LRRTM4: variants seen among roughly 807,000 people sequenced by gnomAD.
The protein encoded by LRRTM4 is leucine rich repeat transmembrane neuronal 4, also known as leucine-rich repeat transmembrane neuronal protein 4.
In LRRTM4, 25 loss-of-function variants were observed where a neutral mutation model predicts 47.6. The observed-to-expected ratio is 0.53, with a 90% confidence interval of 0.38 to 0.73. The LOEUF (loss-of-function observed/expected upper bound fraction) is 0.73. LRRTM4 is among the 30% of genes least tolerant of loss of function. The pLI is 0.00. For synonymous variants in LRRTM4, 311 were observed against 269.5 expected, an observed-to-expected ratio of 1.15 and a Z score of -1.51; for missense variants, 638 against 713.4, an observed-to-expected ratio of 0.89 and a Z score of 1.20.
At chr2:77,446,773 A>T (rs958956125) in intron 3 of LRRTM4, among the ~76,000 whole-genome samples, 1 of 152,004 alleles carries the variant, frequency 6.6e-6, no homozygotes, top group Admixed American at 6.6e-5. Flanking sequence ...CTCCCCTAAG[A>T]CTACTCTGGC....
At chr2:77,320,475 T>C (rs1677756840) in intron 3 of LRRTM4, among the ~76,000 whole-genome samples, 1 of 152,176 alleles carries the variant, frequency 6.6e-6, no homozygotes. Flanking sequence ...AAATTACAAT[T>C]ATTATAAAAA....
chr2:77,390,738 A>C (rs2103813690), intron 3 of LRRTM4, among the ~76,000 whole-genome samples: 1 of 151,776 alleles, frequency 6.6e-6, no homozygotes, highest in Non-Finnish European at 1.5e-5. Flanking sequence ...ACAAAGTGTA[A>C]AATATAATAT....
In LRRTM4 at chr2:76,812,699, T is replaced by C. The variant is rs9712188; in HGVS notation, c.1552-63783A>G. On this transcript the variant is annotated intron_variant, in intron 3 of 3. Transcript: ENST00000409884. ...TCTTTCTTTCTTTCTTTCTTTCTTT[T>C]CTTTCTTTATTTCTTTTTCTTTCTC... 2.9e-3 allele frequency among the ~76,000 whole-genome samples: 385 copies of C among 134,150 alleles called. 3 individuals are homozygous for C. Among genetic ancestry groups the C allele is most frequent in the Middle Eastern group, 8.3e-3 (2 of 242 alleles). The allele number at this position is 134,150 out of a possible 152,430, so 88.0% of individuals were successfully genotyped here. A position where few individuals can be genotyped will look rare whatever the true frequency, so the allele number is the denominator to read the frequency against.
intron 3 of LRRTM4, among the ~76,000 whole-genome samples, chr2:77,354,271 A>G (rs1459620492): frequency 6.6e-6 from 1 of 152,184 alleles, no homozygotes; most frequent in Non-Finnish European, 1.5e-5. Context: ...AGCCGTGAGT[A>G]GAGGAGAGAA....
chr2:76,995,639 G>A (rs1386744514), intron 3 of LRRTM4, among the ~76,000 whole-genome samples: 1 of 152,018 alleles, frequency 6.6e-6, no homozygotes, highest in Non-Finnish European at 1.5e-5. Context: ...TCATTGCCTA[G>A]TGTTGCTACC....
At chr2:77,491,437 A>G (rs963586483) in intron 3 of LRRTM4, among the ~76,000 whole-genome samples, 1 of 152,122 alleles carries the variant, frequency 6.6e-6, no homozygotes. Flanking sequence ...GGCTCATCAC[A>G]TTCCAAACAA....
Position 77,044,917 on chromosome 2 carries a change from G to GTGTGTATA in LRRTM4, c.1552-296009_1552-296002dup, listed in dbSNP as rs894000050. ...TATATGTGTATGTAGATAGGTGTTTGTGTGTATATGTGTATATGTGTGTGT... is the reference window on the plus strand; with the variant it reads ...TATATGTGTATGTAGATAGGTGTTTGTGTGTATATGTGTATATGTGTATATGTGTGTGT... On this transcript the variant is annotated intron_variant, in intron 3 of 3. Transcript: ENST00000409884. 2.6e-5 allele frequency among the ~76,000 whole-genome samples: 4 copies of GTGTGTATA among 151,836 alleles called. No individual in the cohort carries two copies. The South Asian group carries it at 8.3e-4, about 32-fold the overall frequency.
intron 3 of LRRTM4, among the ~76,000 whole-genome samples, chr2:76,769,565 T>G (rs533093673): frequency 8.5e-5 from 13 of 152,296 alleles, no homozygotes; most frequent in Non-Finnish European, 1.5e-4. Flanking sequence ...ATAATATGGT[T>G]GTTAAAATCC....
intron 3 of LRRTM4, among the ~76,000 whole-genome samples, chr2:76,944,843 A>G (rs1384242670): frequency 6.6e-6 from 1 of 152,088 alleles, no homozygotes; most frequent in Non-Finnish European, 1.5e-5. Flanking sequence ...GATTTAGAAA[A>G]CAATCAGAAT....
chr2:76,953,534 A>G lies in LRRTM4; in HGVS notation c.1552-204618T>C, dbSNP rs181933551. Among the ~76,000 whole-genome samples the G allele has an allele frequency of 5.3e-3, 808 of 151,932 alleles. 4 individuals carry two copies. The highest frequency in any genetic ancestry group is 8.7e-3 in the Non-Finnish European group (592 of 67,870). On this transcript the variant is annotated intron_variant, in intron 3 of 3. Coordinates refer to ENST00000409884, the MANE Select transcript of LRRTM4 (RefSeq NM_001134745.3). Reference sequence around the variant, plus strand: ...AAGAGAAGAGTAGAACATACATCATATATTTCATCATTTTTGGGAAGCTGC... The same window carrying G: ...AAGAGAAGAGTAGAACATACATCATGTATTTCATCATTTTTGGGAAGCTGC...
At chr2:76,857,754 G>A (rs1672197613) in intron 3 of LRRTM4, among the ~76,000 whole-genome samples, 1 of 152,084 alleles carries the variant, frequency 6.6e-6, no homozygotes, top group African/African-American at 2.4e-5. Flanking sequence ...GTTTGCTTTT[G>A]TAAACACGTT....
At chr2:76,750,734 C>T (rs1417469674) in intron 3 of LRRTM4, among the ~76,000 whole-genome samples, 1 of 152,150 alleles carries the variant, frequency 6.6e-6, no homozygotes, top group Non-Finnish European at 1.5e-5. Context: ...GCTCTTAAAA[C>T]TAGCTCTAGT....
At chr2:76,831,169 C>A (rs1671340538) in intron 3 of LRRTM4, among the ~76,000 whole-genome samples, 1 of 151,914 alleles carries the variant, frequency 6.6e-6, no homozygotes. Flanking sequence ...ATAATGAATT[C>A]TGAGTGTATC....
intron 3 of LRRTM4, among the ~76,000 whole-genome samples, chr2:76,885,159 T>C (rs1375525724): frequency 6.6e-6 from 1 of 151,974 alleles, no homozygotes; most frequent in Non-Finnish European, 1.5e-5. Context: ...TTACTGTAAA[T>C]ATTTTAAAAA....
At chr2:76,802,440 C>T (rs532612506) in intron 3 of LRRTM4, among the ~76,000 whole-genome samples, 6 of 151,654 alleles carry the variant, frequency 4.0e-5, no homozygotes, top group Non-Finnish European at 8.8e-5. Context: ...ATACTGAAAA[C>T]AAAAATAATT....
chr2:76,882,242 C>T (rs999582121), intron 3 of LRRTM4, among the ~76,000 whole-genome samples: 4 of 151,982 alleles, frequency 2.6e-5, no homozygotes, highest in Admixed American at 2.0e-4. Context: ...TTGTGGCTTA[C>T]GTATAAAGTA....
chr2:77,092,994 CTACAGGG>C (rs1357725237), intron 3 of LRRTM4, among the ~76,000 whole-genome samples: 1 of 148,096 alleles, frequency 6.8e-6, no homozygotes, highest in Non-Finnish European at 1.5e-5. Context: ...CCTCAGAATG[CTACAGGG>C]TACAGCCCAT....
chr2:76,887,481 C>T (rs903939444), intron 3 of LRRTM4, among the ~76,000 whole-genome samples: 3 of 149,606 alleles, frequency 2.0e-5, no homozygotes, highest in African/African-American at 7.3e-5. Context: ...ACATTTAGTG[C>T]CTTTATTTTA....
chr2:76,896,477 G>C (rs986242471), intron 3 of LRRTM4, among the ~76,000 whole-genome samples: 2 of 151,774 alleles, frequency 1.3e-5, no homozygotes, highest in African/African-American at 4.8e-5. Flanking sequence ...AAATCATCAA[G>C]CTTAAACAAT....
Sources: allele counts gnomAD v4.1 joint callset (sites outside exome capture counted in the v4.1 genomes callset), GRCh38; gene constraint gnomAD v4.1.1; transcripts MANE v1.5; gene names NCBI Gene and HGNC (gene_info 2026-07-23, HGNC 2026-07-21).